The following LIPA variants were observed in gnomAD, a reference collection of about 807,000 sequenced individuals.
LIPA encodes lipase A, lysosomal acid type, also known as lysosomal acid lipase/cholesteryl ester hydrolase.
A neutral mutation model predicts 40.6 loss-of-function variants in LIPA; 26 were observed. That is an observed-to-expected ratio of 0.64 (90% CI 0.47 to 0.89). The LOEUF is 0.89. Ranked by LOEUF, LIPA falls within the 40% of genes least tolerant of loss-of-function variation. The pLI, the probability that LIPA is intolerant of heterozygous loss-of-function variation, is 0.00. For synonymous variants in LIPA, 188 were observed against 168.4 expected, an observed-to-expected ratio of 1.12 and a Z score of -0.90; for missense variants, 455 against 479.6, an observed-to-expected ratio of 0.95 and a Z score of 0.48.
intron 2 of LIPA, among the ~76,000 whole-genome samples, chr10:89,385,467 T>C (rs1844204032): frequency 6.6e-6 from 1 of 152,316 alleles, no homozygotes; most frequent in Middle Eastern, 3.4e-3. Flanking sequence ...AAGAATCATT[T>C]TCCTTAAAAT....
chr10:89,350,553 C>T (rs1589618864), intron 2 of LIPA, among the ~76,000 whole-genome samples: 1 of 151,962 alleles, frequency 6.6e-6, no homozygotes, highest in East Asian at 1.9e-4. Flanking sequence ...GATCCGCCCA[C>T]CTCAGCCTCC....
chr10:89,385,236 C>CAACA (rs1844201881), intron 2 of LIPA: 1 of 153,334 alleles, frequency 6.5e-6, no homozygotes, highest in African/African-American at 2.4e-5. Flanking sequence ...GAGATTGAGA[C>CAACA]AACAGTCTTT....
chr10:89,385,024 T>C, intron 2 of LIPA: 1 of 352,338 alleles, frequency 2.8e-6, no homozygotes, highest in Non-Finnish European at 5.2e-6. Context: ...TAGTAACCGA[T>C]CAAATTGCTA....
At chr10:89,380,939 C>T (rs1042093248) in intron 2 of LIPA, among the ~76,000 whole-genome samples, 2 of 152,220 alleles carry the variant, frequency 1.3e-5, no homozygotes, top group African/African-American at 2.4e-5. Flanking sequence ...CAATAATTCT[C>T]TTCTGGAACT....
exon 2 of LIPA, chr10:89,412,921 T>C (rs1159797623): frequency 1.2e-5 from 3 of 256,070 alleles, no homozygotes; most frequent in South Asian, 9.8e-5. Flanking sequence ...ACCAAAAACC[T>C]ACTGGAAGGA....
At chr10:89,364,506 G>A (rs1844044532) in intron 2 of LIPA, among the ~76,000 whole-genome samples, 1 of 151,882 alleles carries the variant, frequency 6.6e-6, no homozygotes, top group African/African-American at 2.4e-5. Flanking sequence ...CACTTCTTAA[G>A]GCCCATCTCT....
chr10:89,219,612 A>G (rs527506167), intron 8 of LIPA, among the ~76,000 whole-genome samples: 1 of 152,356 alleles, frequency 6.6e-6, no homozygotes, highest in African/African-American at 2.4e-5. Context: ...AACTCATACC[A>G]TAAGAGCCCT....
chr10:89,268,191 G>A (rs1843247422), intron 1 of LIPA, among the ~76,000 whole-genome samples: 1 of 152,180 alleles, frequency 6.6e-6, no homozygotes, highest in Admixed American at 6.5e-5. Flanking sequence ...AGACTCAGGG[G>A]TCAGGCTGCC....
chr10:89,347,263 T>G (rs1023561535), upstream of LIPA, among the ~76,000 whole-genome samples: 3 of 152,226 alleles, frequency 2.0e-5, no homozygotes, highest in African/African-American at 7.2e-5. Context: ...TGACAACACA[T>G]GTGAAGCCAG....
intron 1 of LIPA, among the ~76,000 whole-genome samples, chr10:89,290,222 C>A (rs776581005): frequency 2.0e-5 from 3 of 152,114 alleles, no homozygotes; most frequent in Non-Finnish European, 4.4e-5. Context: ...TTTTTCTCCT[C>A]CTCTTATTTG....
intron 1 of LIPA, chr10:89,278,552 C>T (rs1263501191): frequency 6.6e-6 from 1 of 152,232 alleles, no homozygotes; most frequent in East Asian, 1.9e-4. Flanking sequence ...TTCCCCAGGG[C>T]CACACAACTA....
chr10:89,382,658 T>C (rs553875115), intron 2 of LIPA, among the ~76,000 whole-genome samples: 4 of 152,350 alleles, frequency 2.6e-5, no homozygotes, highest in African/African-American at 9.6e-5. Context: ...TGTTCATTCA[T>C]GCCTCTTCTT....
At chr10:89,327,407 C>A (rs992081132) in intron 1 of LIPA, among the ~76,000 whole-genome samples, 5 of 151,828 alleles carry the variant, frequency 3.3e-5, no homozygotes, top group Non-Finnish European at 7.4e-5. Context: ...AAATATTAGC[C>A]GGGCATGGTG....
chr10:89,300,714 T>C (rs1288947172), intron 1 of LIPA, among the ~76,000 whole-genome samples: 2 of 152,136 alleles, frequency 1.3e-5, no homozygotes, highest in South Asian at 2.1e-4. Flanking sequence ...TGGCCGGGCG[T>C]GGTGGCTCAC....
At position 89,247,321 on chromosome 10, in the gene LIPA, G is replaced by C. The variant is rs1352111775; in HGVS notation, c.111+217C>G. 3.0e-5 allele frequency among the ~76,000 whole-genome samples: 4 copies of C among 133,490 alleles called. No homozygotes were observed. In the East Asian group the frequency reaches 9.1e-4, roughly 30 times the overall value. 87.6% of individuals were successfully genotyped at this position (133,490 alleles called of 152,430 possible). Reference sequence around the variant, plus strand: ...CCTGAGGCGGAGGTCGCAATGAGCCGAGATCACACCACTGCACTCCAGCCT... The same window carrying C: ...CCTGAGGCGGAGGTCGCAATGAGCCCAGATCACACCACTGCACTCCAGCCT... On this transcript the variant is annotated intron_variant, in intron 2 of 9. Transcript: ENST00000336233.
chr10:89,345,097 G>A (rs138054726), upstream of LIPA, among the ~76,000 whole-genome samples: 92 of 151,932 alleles, frequency 6.1e-4, 1 homozygote, highest in African/African-American at 2.2e-3. Flanking sequence ...AACCTGGCAG[G>A]TAGAGGTTGC....
chr10:89,231,179 A>C (rs981093907), intron 3 of LIPA, among the ~76,000 whole-genome samples: 2 of 152,246 alleles, frequency 1.3e-5, no homozygotes, highest in African/African-American at 4.8e-5. Context: ...TACACCAAAG[A>C]GGAGTGTAAA....
chr10:89,288,577 A>G (rs960736082), intron 1 of LIPA, among the ~76,000 whole-genome samples: 1 of 151,976 alleles, frequency 6.6e-6, no homozygotes, highest in Non-Finnish European at 1.5e-5. Flanking sequence ...TATCTCTCTG[A>G]TCTACCTGAC....
chr10:89,338,979 C>A, intron 1 of LIPA: 1 of 1,614,124 alleles, frequency 6.2e-7, no homozygotes, highest in Non-Finnish European at 8.5e-7. Flanking sequence ...ATCACTTGGG[C>A]AGACTCTCAG....
Sources: gnomAD v4.1 joint callset for allele counts (sites outside exome capture counted in the v4.1 genomes callset) on GRCh38, gnomAD v4.1.1 for gene constraint, MANE v1.5 for transcripts, NCBI Gene and HGNC (gene_info 2026-07-23, HGNC 2026-07-21) for gene names.